Variants in PLEKHB2 observed in about 807,000 individuals in gnomAD.
PLEKHB2 encodes pleckstrin homology domain containing B2, also known as pleckstrin homology domain-containing family B member 2.
In PLEKHB2, 31 loss-of-function variants were observed where a neutral mutation model predicts 36.5. That is an observed-to-expected ratio of 0.85 (90% CI 0.64 to 1.15). The LOEUF (loss-of-function observed/expected upper bound fraction) is 1.15. Among genes scored for constraint, PLEKHB2 ranks in the 50% most tolerant of loss-of-function variants. PLEKHB2 has a pLI of 0.00. For missense variants in PLEKHB2, 262 were observed against 295.3 expected (o/e 0.89, Z 0.83); for synonymous variants, 119 against 112.0 (o/e 1.06, Z -0.39).
At chr2:131,118,736 C>T (rs997805667) in intron 1 of PLEKHB2, among the ~76,000 whole-genome samples, 1 of 151,164 alleles carries the variant, frequency 6.6e-6, no homozygotes, top group Middle Eastern at 3.2e-3. Flanking sequence ...GGCGTGGTGG[C>T]GGGCACCTGT....
chr2:131,123,586 A>G (rs1696745582), intron 2 of PLEKHB2, among the ~76,000 whole-genome samples: 1 of 151,820 alleles, frequency 6.6e-6, no homozygotes, highest in Non-Finnish European at 1.5e-5. Flanking sequence ...GTGCAATGGC[A>G]TGATCTCAAC....
chr2:131,113,327 C>T (rs1296991417), intron 1 of PLEKHB2, among the ~76,000 whole-genome samples: 1 of 152,174 alleles, frequency 6.6e-6, no homozygotes, highest in African/African-American at 2.4e-5. Context: ...CTGACCTTCT[C>T]CTCCTAAAAT....
chr2:131,111,501 T>G (rs1160995030), intron 1 of PLEKHB2, among the ~76,000 whole-genome samples: 1 of 151,054 alleles, frequency 6.6e-6, no homozygotes, highest in African/African-American at 2.4e-5. Context: ...TTGTTTTTTT[T>G]TTTTTTGAGA....
At chr2:131,134,680 G>A (rs761229062) in intron 6 of PLEKHB2, among the ~76,000 whole-genome samples, 24 of 151,956 alleles carry the variant, frequency 1.6e-4, no homozygotes, top group Non-Finnish European at 3.1e-4. Context: ...GTTCCTTTTT[G>A]GAAATGTTTT....
chr2:131,125,713 C>CT (rs758010305), intron 2 of PLEKHB2, 40 bp from the exon 3 acceptor site: 5 of 1,333,336 alleles, frequency 3.7e-6, no homozygotes, highest in Non-Finnish European at 5.2e-6. Flanking sequence ...AAGACTGTCT[C>CT]TAAAAAAAAA....
intron 2 of PLEKHB2, 86 bp downstream of exon 2, chr2:131,121,064 G>A (rs1696465373): frequency 1.7e-5 from 23 of 1,360,648 alleles, no homozygotes; most frequent in African/African-American, 2.9e-5. Context: ...ATATTTAAAA[G>A]CAAATAACAA....
intron 6 of PLEKHB2, among the ~76,000 whole-genome samples, chr2:131,135,078 C>T (rs141672445): frequency 6.7e-6 from 1 of 148,544 alleles, no homozygotes; most frequent in Non-Finnish European, 1.5e-5. Flanking sequence ...TAAACTTTCT[C>T]TTTTTTTTTT....
chr2:131,120,994 G>T lies in PLEKHB2; in HGVS notation c.37+16G>T. On this transcript the variant is annotated intron_variant, in intron 2 of 7. Transcript: ENST00000693505. ...CTGCGACAGAGTGAGTACAGGATGTGCGGTCTGCGATCGGCATTGCCGAAG... is the reference window on the plus strand; with the variant it reads ...CTGCGACAGAGTGAGTACAGGATGTTCGGTCTGCGATCGGCATTGCCGAAG... 6.2e-7 allele frequency: 1 copy of T among 1,613,190 alleles called. No individual in the cohort carries two copies. Among genetic ancestry groups the T allele is most frequent in the Non-Finnish European group, 8.5e-7 (1 of 1,179,228 alleles).
chr2:131,125,659 C>T, intron 2 of PLEKHB2, 94 bp from the exon 3 acceptor site: 1 of 999,290 alleles, frequency 1.0e-6, no homozygotes. Context: ...GACCTATGAT[C>T]ATGTTTGTGA....
chr2:131,126,695 C>G lies in PLEKHB2; in HGVS notation c.202C>G (p.Pro68Ala). 6.2e-7 allele frequency: 1 copy of G among 1,602,464 alleles called. No individual in the cohort carries two copies. Among genetic ancestry groups the G allele is most frequent in the Non-Finnish European group, 8.6e-7 (1 of 1,169,442 alleles). ...TGQECRDTQP[P>A]DGKSKDCMLQ... ...CTTATTTTTCATAGATACTCAGCCCCCGGATGGAAAGTCAAAAGACTGCAT... is the reference window on the plus strand; with the variant it reads ...CTTATTTTTCATAGATACTCAGCCCGCGGATGGAAAGTCAAAAGACTGCAT... The change falls in exon 4 of 8, where the codon CCG becomes GCG. Residue 68 changes from proline (P) to alanine (A), a missense_variant. Pro to Ala is a conservative substitution (Grantham distance 27). Transcript: ENST00000693505.
Position 131,147,908 on chromosome 2 carries a change from C to T in PLEKHB2, c.*1135C>T, listed in dbSNP as rs537471055. 2.6e-5 allele frequency: 4 copies of T among 152,296 alleles called. No homozygotes were observed. Among genetic ancestry groups the T allele is most frequent in the African/African-American group, 9.6e-5 (4 of 41,552 alleles). The allele number at this position is 152,296 out of a possible 1,614,324, so 9.4% of individuals were successfully genotyped here. A position where few individuals can be genotyped will look rare whatever the true frequency, so the allele number is the denominator to read the frequency against. The stretch of plus-strand genomic sequence containing the variant: ...TTGAGTGTGTGTCTGCCTAAGCCTC[C>T]TTATAGCCTATTTTTCTACTTGCTG... On this transcript the variant is annotated 3_prime_UTR_variant, in exon 8 of 8. Transcript: ENST00000693505.
At chr2:131,141,314 T>C (rs993547479) in intron 7 of PLEKHB2, among the ~76,000 whole-genome samples, 9 of 152,062 alleles carry the variant, frequency 5.9e-5, no homozygotes, top group Non-Finnish European at 1.2e-4. Flanking sequence ...TTTGCTTGAC[T>C]TTTTTTCATG....
intron 6 of PLEKHB2, among the ~76,000 whole-genome samples, chr2:131,136,241 C>T (rs1698246823): frequency 6.8e-6 from 1 of 146,834 alleles, no homozygotes; most frequent in Non-Finnish European, 1.5e-5. Flanking sequence ...CCCTGACCCC[C>T]TGAGAGATGA....
Position 131,140,199 on chromosome 2 carries a change from G to T in PLEKHB2, c.456G>T (p.Ala152=). The T allele has an allele frequency of 6.2e-7, 1 of 1,613,134 alleles. No homozygotes were observed. Among genetic ancestry groups the T allele is most frequent in the East Asian group, 2.2e-5 (1 of 44,856 alleles). ...QAYGYGPYGG[A]YPPGTQVVYA... ...ATGGCTATGGGCCATACGGTGGTGC[G>T]TACCCGCCAGGAACTCAAGTTGTCT... Residue 152 remains alanine (A), a synonymous_variant, in exon 7 of 8, where the codon GCG becomes GCT. Coordinates refer to ENST00000693505, the MANE Select transcript of PLEKHB2 (RefSeq NM_001100623.2).
chr2:131,142,890 G>A lies in PLEKHB2; in HGVS notation c.532+2615G>A, dbSNP rs866372503. The stretch of plus-strand genomic sequence containing the variant: ...GTTCTTTTTTTCTCCCCCCCAACTA[G>A]ACTCTATCTCTATATGCAGGCAGGC... On this transcript the variant is annotated intron_variant, in intron 7 of 7. Transcript: ENST00000693505. Among the ~76,000 whole-genome samples, 8 of 151,982 alleles carry A rather than the reference G, an allele frequency of 5.3e-5. No homozygotes were observed. The Middle Eastern group carries it at 0.01, about 194-fold the overall frequency.
In PLEKHB2 at chr2:131,125,894, A is replaced by G; in HGVS notation, c.179A>G (p.Gln60Arg). Residue 60 changes from glutamine (Q) to arginine (R), a missense_variant, in exon 3 of 8, where the codon CAG becomes CGG. Coordinates refer to ENST00000693505, the MANE Select transcript of PLEKHB2 (RefSeq NM_001100623.2). ...PMDCINIRTG[Q>R]ECRDTQPPDG... Reference sequence around the variant, plus strand: ...GACTGCATCAACATCCGCACGGGGCAGGAATGTCGGGGTAAGCTGGCCTGT... The same window carrying G: ...GACTGCATCAACATCCGCACGGGGCGGGAATGTCGGGGTAAGCTGGCCTGT... 2.5e-6 allele frequency: 4 copies of G among 1,612,800 alleles called. No homozygotes were observed. The highest frequency in any genetic ancestry group is 3.4e-6 in the Non-Finnish European group (4 of 1,179,670).
chr2:131,143,554 G>A (rs1698990929), intron 7 of PLEKHB2, among the ~76,000 whole-genome samples: 2 of 152,174 alleles, frequency 1.3e-5, no homozygotes, highest in African/African-American at 4.8e-5. Context: ...TCCCAGAATG[G>A]TTTACCAACT....
chr2:131,129,517 T>G (rs1206558440), intron 4 of PLEKHB2, among the ~76,000 whole-genome samples: 11 of 151,944 alleles, frequency 7.2e-5, no homozygotes, highest in Admixed American at 7.2e-4. Context: ...ACTATTTTGT[T>G]TTTTGAGATG....
Position 131,125,814 on chromosome 2 carries a change from C to G in PLEKHB2, c.99C>G (p.Ile33Met), listed in dbSNP as rs774765842. 5 of 1,612,330 alleles carry G rather than the reference C, an allele frequency of 3.1e-6. No homozygotes were observed. The highest frequency in any genetic ancestry group is 2.5e-6 in the Non-Finnish European group (3 of 1,178,854). The change falls in exon 3 of 8, where the codon ATC (isoleucine) becomes ATG (methionine). Residue 33 changes from isoleucine (I) to methionine (M), a missense_variant. Coordinates refer to ENST00000693505, the MANE Select transcript of PLEKHB2 (RefSeq NM_001100623.2). ...WFDLWSDGHLIYYDDQTRQNI... is the reference protein window; with the variant it reads ...WFDLWSDGHLMYYDDQTRQNI... Reference sequence around the variant, plus strand: ...ATCTGTGGTCGGATGGTCACCTGATCTATTATGATGACCAGACTCGGCAGA... The same window carrying G: ...ATCTGTGGTCGGATGGTCACCTGATGTATTATGATGACCAGACTCGGCAGA...
Sources: gnomAD v4.1 joint callset for allele counts (sites outside exome capture counted in the v4.1 genomes callset) on GRCh38, gnomAD v4.1.1 for gene constraint, MANE v1.5 for transcripts, NCBI Gene and HGNC (gene_info 2026-07-23, HGNC 2026-07-21) for gene names.